ZNF506: variants seen among roughly 807,000 people sequenced by gnomAD.
ZNF506 encodes the protein zinc finger protein 506.
ZNF506 carries 10 observed loss-of-function variants against 11.6 expected under a neutral mutation model. The ratio of observed to expected loss-of-function variants is 0.86; its 90% CI spans 0.53 to 1.46. The LOEUF (loss-of-function observed/expected upper bound fraction) is 1.46, where lower values mean the gene tolerates loss of function less well. Ranked by LOEUF, ZNF506 falls within the 40% of genes most tolerant of loss-of-function variation. ZNF506 has a pLI of 0.00. For synonymous variants in ZNF506, 156 were observed against 173.3 expected, an observed-to-expected ratio of 0.90 and a Z score of 0.78; for missense variants, 425 against 521.2, an observed-to-expected ratio of 0.82 and a Z score of 1.80.
At chr19:19,807,241 A>G (rs1336785201) in intron 1 of ZNF506, among the ~76,000 whole-genome samples, 173 bp from the exon 2 acceptor site, 4 of 152,238 alleles carry the variant, frequency 2.6e-5, no homozygotes, top group Non-Finnish European at 5.9e-5. Context: ...TCTAACTCTG[A>G]GAAGAAAGAG....
At position 19,793,751 on chromosome 19, in the gene ZNF506, C is replaced by T. The variant is rs2062713432; in HGVS notation, c.*801G>A. 1 of 152,142 alleles carries T rather than the reference C, an allele frequency of 6.6e-6. No individual in the cohort carries two copies. The highest frequency in any genetic ancestry group is 1.5e-5 in the Non-Finnish European group (1 of 68,028). The allele number at this position is 152,142 out of a possible 1,614,324, so 9.4% of individuals were successfully genotyped here. On this transcript the variant is annotated 3_prime_UTR_variant, in exon 4 of 4. Coordinates refer to ENST00000540806, the MANE Select transcript of ZNF506 (RefSeq NM_001099269.3). ...GATTTTTCTCAAGGATAAAAGCTTTCCTGTGAAATAAGGTGTAAGCACTCA... is the reference window on the plus strand; with the variant it reads ...GATTTTTCTCAAGGATAAAAGCTTTTCTGTGAAATAAGGTGTAAGCACTCA...
At chr19:19,818,420 A>AT (rs2062948677) in intron 1 of ZNF506, among the ~76,000 whole-genome samples, 1 of 152,182 alleles carries the variant, frequency 6.6e-6, no homozygotes, top group African/African-American at 2.4e-5. Context: ...TTTCCTGTGG[A>AT]AACATTTTCA....
intron 3 of ZNF506, among the ~76,000 whole-genome samples, chr19:19,803,156 GT>G (rs1403182538): frequency 6.6e-6 from 1 of 152,174 alleles, no homozygotes; most frequent in Non-Finnish European, 1.5e-5. Context: ...CCAGGATAGG[GT>G]TCACCCAACT....
chr19:19,806,911 A>G (rs1257355429), intron 2 of ZNF506, 31 bp downstream of exon 2: 1 of 1,600,906 alleles, frequency 6.2e-7, no homozygotes, highest in Non-Finnish European at 8.5e-7. Context: ...TTAGAGTAAT[A>G]TTATGAATTA....
chr19:19,816,636 G>C (rs922784472), intron 1 of ZNF506, among the ~76,000 whole-genome samples: 2 of 152,012 alleles, frequency 1.3e-5, no homozygotes, highest in Non-Finnish European at 2.9e-5. Flanking sequence ...GGGATTACAG[G>C]CTTGAGCCAC....
Position 19,795,535 on chromosome 19 carries a change from C to CT in ZNF506, c.351_352insA (p.Glu118ArgfsTer5), listed in dbSNP as rs779891949. The CT allele has an allele frequency of 2.6e-5, 42 of 1,598,278 alleles. No homozygotes were observed. The highest frequency in any genetic ancestry group is 4.1e-5 in the African/African-American group (3 of 73,874). On this transcript the variant is annotated frameshift_variant, in exon 4 of 4. Transcript: ENST00000540806. LOFTEE classifies it low-confidence loss of function (END_TRUNC). ...TGCACTGGACACTCATCTACACTTT[C>CT]ACAGCCTTTTTTTAACTGTAAATTG...
At chr19:19,804,793 T>C (rs2062822890) in intron 3 of ZNF506, among the ~76,000 whole-genome samples, 1 of 152,142 alleles carries the variant, frequency 6.6e-6, no homozygotes, top group South Asian at 2.1e-4. Context: ...GGGACATGGA[T>C]GAAGCTGGAA....
chr19:19,808,642 C>T (rs950197516), intron 1 of ZNF506, among the ~76,000 whole-genome samples: 3 of 150,952 alleles, frequency 2.0e-5, no homozygotes, highest in Non-Finnish European at 3.0e-5. Flanking sequence ...GTCATGAGTT[C>T]GAGACCAGCC....
In ZNF506 at chr19:19,793,767, T is replaced by G. The variant is rs2062713641; in HGVS notation, c.*785A>C. 1 of 152,254 alleles carries G rather than the reference T, an allele frequency of 6.6e-6. No individual in the cohort carries two copies. Among genetic ancestry groups the G allele is most frequent in the Admixed American group, 6.5e-5 (1 of 15,284 alleles). The allele number at this position is 152,254 out of a possible 1,614,324, so 9.4% of individuals were successfully genotyped here. On this transcript the variant is annotated 3_prime_UTR_variant, in exon 4 of 4. Transcript: ENST00000540806. ...AAAAGCTTTCCTGTGAAATAAGGTG[T>G]AAGCACTCAAAAGTTTTGCCACATT...
At chr19:19,796,577 G>C (rs1028535661) in intron 3 of ZNF506, 1 of 151,912 alleles carries the variant, frequency 6.6e-6, no homozygotes. Context: ...CTAATTTTTT[G>C]TATTTTTAGT....
chr19:19,802,974 A>G (rs2145184150), intron 3 of ZNF506, among the ~76,000 whole-genome samples: 1 of 152,328 alleles, frequency 6.6e-6, no homozygotes, highest in South Asian at 2.1e-4. Context: ...TTTTGAGACC[A>G]GTCTGCGTTA....
intron 3 of ZNF506, 129 bp downstream of exon 3, chr19:19,805,902 A>G (rs1207689252): frequency 6.3e-6 from 5 of 795,044 alleles, no homozygotes; most frequent in African/African-American, 1.8e-5. Flanking sequence ...GAAAAGAAAA[A>G]AAAAGCTGCC....
chr19:19,799,787 A>C (rs10408499), intron 3 of ZNF506, among the ~76,000 whole-genome samples: 9,454 of 152,106 alleles, frequency 0.062, 836 homozygotes, highest in African/African-American at 0.2. Flanking sequence ...ATATTTTTCA[A>C]ATTTCTCATT....
chr19:19,806,005 T>A (rs1288093049), intron 3 of ZNF506, 26 bp downstream of exon 3: 1 of 1,574,912 alleles, frequency 6.3e-7, no homozygotes, highest in Admixed American at 1.8e-5. Flanking sequence ...GTGTTGTCTG[T>A]CCTATTCATT....
In ZNF506 at chr19:19,807,015, A is replaced by G. The variant is rs772073846; in HGVS notation, c.57T>C (p.His19=). The G allele has an allele frequency of 7.4e-6, 12 of 1,613,970 alleles. No individual in the cohort carries two copies. In the African/African-American group the frequency reaches 1.6e-4, roughly 22 times the overall value. Residue 19 remains histidine, a synonymous_variant, in exon 2 of 4, where the codon CAT becomes CAC. Transcript: ENST00000540806. ...GATTCCGCTGTGCAGCGTCCAGGCAATGCCACTCCTCCAGAGAGAATTCTA... is the reference window on the plus strand; with the variant it reads ...GATTCCGCTGTGCAGCGTCCAGGCAGTGCCACTCCTCCAGAGAGAATTCTA... ...VAIEFSLEEW[H]CLDAAQRNLY... is the part of the protein sequence containing the mutation.
chr19:19,806,179 A>G, intron 2 of ZNF506, 53 bp from the exon 3 acceptor site: 1 of 1,352,590 alleles, frequency 7.4e-7, no homozygotes, highest in East Asian at 2.4e-5. Context: ...TCCAATTACA[A>G]GCTAGTACTG....
intron 1 of ZNF506, 46 bp from the exon 2 acceptor site, chr19:19,807,114 G>T: frequency 6.2e-7 from 1 of 1,608,366 alleles, no homozygotes; most frequent in Non-Finnish European, 8.5e-7. Context: ...GCCATGGGTG[G>T]AATTTTTAAT....
At position 19,795,521 on chromosome 19, in the gene ZNF506, C is replaced by T; in HGVS notation, c.366G>A (p.Glu122=). The change falls in exon 4 of 4, where the codon GAG becomes GAA. Residue 122 remains glutamate, a synonymous_variant. Coordinates refer to ENST00000540806, the MANE Select transcript of ZNF506 (RefSeq NM_001099269.3). ...TATAACCTCTTTTGTGCACTGGACA[C>T]TCATCTACACTTTCACAGCCTTTTT... ...QLKKGCESVD[E]CPVHKRGYNG... 2 of 1,599,388 alleles carry T rather than the reference C, an allele frequency of 1.3e-6. No homozygotes were observed. Among genetic ancestry groups the T allele is most frequent in the East Asian group, 2.2e-5 (1 of 44,722 alleles).
At chr19:19,821,111 G>A (rs1249384160) in intron 1 of ZNF506, among the ~76,000 whole-genome samples, 1 of 152,148 alleles carries the variant, frequency 6.6e-6, no homozygotes, top group Non-Finnish European at 1.5e-5. Flanking sequence ...TTTTGGCCAG[G>A]CTTGTCTTGA....
Sources: gnomAD v4.1 joint callset for allele counts (sites outside exome capture counted in the v4.1 genomes callset) on GRCh38, gnomAD v4.1.1 for gene constraint, MANE v1.5 for transcripts, NCBI Gene and HGNC (gene_info 2026-07-23, HGNC 2026-07-21) for gene names.